ABCB4: variants seen among roughly 807,000 people sequenced by gnomAD.
ABCB4 encodes phosphatidylcholine translocator ABCB4.
ABCB4 carries 76 observed loss-of-function variants against 145.7 expected under a neutral mutation model. The ratio of observed to expected loss-of-function variants is 0.52; its 90% CI spans 0.43 to 0.63. The LOEUF is 0.63. Among genes scored for constraint, ABCB4 ranks in the 30% least tolerant of loss-of-function variants. ABCB4 has a pLI of 0.00. For missense variants in ABCB4, 1,234 were observed against 1,553.1 expected (o/e 0.79, Z 3.45); for synonymous variants, 517 against 566.8 (o/e 0.91, Z 1.25).
At position 87,452,974 on chromosome 7, in the gene ABCB4, T is replaced by C. The variant is rs1811852011; in HGVS notation, c.506A>G (p.Asp169Gly). 1 of 1,614,118 alleles carries C rather than the reference T, an allele frequency of 6.2e-7. No individual in the cohort carries two copies. The highest frequency in any genetic ancestry group is 8.5e-7 in the Non-Finnish European group (1 of 1,180,000). ...RQEIGWFDIN[D>G]TTELNTRLTD... ...TAGCCGCGTATTGAGTTCAGTGGTG[T>C]CGTTGATGTCAAACCATCCTATTTC... Residue 169 changes from aspartate to glycine, a missense_variant, in exon 6 of 28, where the codon GAC (aspartate) becomes GGC (glycine). This residue lies in a region of ABCB4 where 467 missense variants were observed against 632.8 expected (regional missense o/e 0.74). Transcript: ENST00000649586.
chr7:87,414,493 A>G (rs1808835305), intron 21 of ABCB4, among the ~76,000 whole-genome samples: 1 of 152,196 alleles, frequency 6.6e-6, no homozygotes, highest in African/African-American at 2.4e-5. Context: ...CTTATATCAA[A>G]TCGCTTTTAC....
chr7:87,402,470 T>C (rs533973803), intron 27 of ABCB4, among the ~76,000 whole-genome samples, 168 bp from the exon 28 acceptor site: 1 of 152,348 alleles, frequency 6.6e-6, no homozygotes, highest in Admixed American at 6.5e-5. Context: ...TTAATCTACA[T>C]AGTTATGTTC....
chr7:87,410,400 G>A (rs1011277053), intron 23 of ABCB4, among the ~76,000 whole-genome samples: 4 of 152,128 alleles, frequency 2.6e-5, no homozygotes, highest in Admixed American at 1.3e-4. Flanking sequence ...AATGCTTGAC[G>A]AAAAGGTGAG....
chr7:87,392,025 A>G, the ABCB4 span, among the ~76,000 whole-genome samples: 1 of 152,200 alleles, frequency 6.6e-6, no homozygotes, highest in East Asian at 1.9e-4. Flanking sequence ...AGGTGCCTTT[A>G]AAAGGAAGGT....
the ABCB4 span, among the ~76,000 whole-genome samples, chr7:87,383,788 C>T: frequency 1.3e-4 from 20 of 152,194 alleles, no homozygotes; most frequent in African/African-American, 3.4e-4. Context: ...TGAGCCACCA[C>T]GCCCGGCCCA....
chr7:87,452,763 G>A, intron 6 of ABCB4, 181 bp downstream of exon 6: 1 of 705,490 alleles, frequency 1.4e-6, no homozygotes, highest in Non-Finnish European at 2.4e-6. Flanking sequence ...CACCTTGGGG[G>A]AAAGCCAACA....
chr7:87,395,414 C>A, the ABCB4 span, among the ~76,000 whole-genome samples: 1 of 152,180 alleles, frequency 6.6e-6, no homozygotes, highest in Admixed American at 6.5e-5. Context: ...CACCCAGGAT[C>A]AATACTTTGC....
chr7:87,387,375 G>T, the ABCB4 span, among the ~76,000 whole-genome samples: 1 of 151,302 alleles, frequency 6.6e-6, no homozygotes, highest in Non-Finnish European at 1.5e-5. Flanking sequence ...TTATTTTCTA[G>T]TTATCCCATC....
intron 12 of ABCB4, 59 bp from the exon 13 acceptor site, chr7:87,440,461 G>T: frequency 7.0e-7 from 1 of 1,435,118 alleles, no homozygotes; most frequent in Middle Eastern, 1.8e-4. Flanking sequence ...GAAGTATCAG[G>T]ACCATTCATG....
intron 16 of ABCB4, among the ~76,000 whole-genome samples, chr7:87,424,605 T>G (rs574617918): frequency 4.2e-4 from 64 of 152,168 alleles, no homozygotes; most frequent in Non-Finnish European, 7.4e-4. Flanking sequence ...GTACCATATT[T>G]CCAACTCACA....
the ABCB4 span, among the ~76,000 whole-genome samples, chr7:87,383,100 G>A: frequency 6.6e-6 from 1 of 152,098 alleles, no homozygotes; most frequent in Admixed American, 6.6e-5. Flanking sequence ...CATTTATTAC[G>A]TCTTCGTGTG....
chr7:87,433,669 GTTGTTGT>G (rs1810396765), intron 14 of ABCB4, among the ~76,000 whole-genome samples: 2 of 124,050 alleles, frequency 1.6e-5, no homozygotes, highest in African/African-American at 7.8e-5. Flanking sequence ...ACAAAAAATT[GTTGTTGT>G]TTTTTTTTTT....
intron 14 of ABCB4, among the ~76,000 whole-genome samples, chr7:87,435,035 T>C (rs888065955): frequency 2.0e-5 from 3 of 152,162 alleles, no homozygotes; most frequent in African/African-American, 7.2e-5. Context: ...CCAGGATGGG[T>C]AATTGAGTAG....
chr7:87,393,002 C>T, the ABCB4 span: 2 of 1,613,380 alleles, frequency 1.2e-6, no homozygotes, highest in African/African-American at 1.3e-5. Context: ...ATTTACGAGT[C>T]CAGGGAGTGG....
At chr7:87,378,341 G>A in the ABCB4 span, among the ~76,000 whole-genome samples, 2 of 70,050 alleles carry the variant, frequency 2.9e-5, no homozygotes, top group East Asian at 7.9e-4. Context: ...CTGAGACTCC[G>A]ACTCCAAAAA....
In ABCB4 at chr7:87,451,655, T is replaced by C. The variant is rs761724667; in HGVS notation, c.676A>G (p.Ile226Val). Residue 226 changes from isoleucine (I) to valine (V), a missense_variant, in exon 7 of 28, where the codon ATT becomes GTT. Transcript: ENST00000649586. ...CAAACGGCTGCAGAGAGTCCTAGAA[T>C]AGGGCTGATGGCCATTATCACAAGG... ...LTLVIMAISP[I>V]LGLSAAVWAK... The C allele has an allele frequency of 1.2e-6, 2 of 1,614,038 alleles. No homozygotes were observed. Among genetic ancestry groups the C allele is most frequent in the Non-Finnish European group, 1.7e-6 (2 of 1,180,024 alleles).
the ABCB4 span, chr7:87,382,680 A>G: frequency 1.3e-6 from 1 of 792,356 alleles, no homozygotes; most frequent in Non-Finnish European, 2.0e-6. Flanking sequence ...TTGTACTTCC[A>G]TCAATAGAGT....
intron 3 of ABCB4, among the ~76,000 whole-genome samples, chr7:87,468,658 C>T (rs1021634633): frequency 2.6e-5 from 4 of 152,122 alleles, no homozygotes; most frequent in African/African-American, 7.2e-5. Flanking sequence ...AAACCGTGGG[C>T]GCGGTGGCTC....
chr7:87,393,105 G>C, the ABCB4 span: 1 of 1,587,220 alleles, frequency 6.3e-7, no homozygotes, highest in Middle Eastern at 1.7e-4. Flanking sequence ...GTGCTATAGA[G>C]TAGGAAAGGT....
Sources: gnomAD v4.1 joint callset for allele counts (sites outside exome capture counted in the v4.1 genomes callset) on GRCh38, gnomAD v4.1.1 for gene constraint, gnomAD v4.1.1 regional missense constraint, MANE v1.5 for transcripts, NCBI Gene and HGNC (gene_info 2026-07-23, HGNC 2026-07-21) for gene names.